The following RASGRF2 variants were observed in gnomAD, a reference collection of about 807,000 sequenced individuals.
RASGRF2 encodes ras-specific guanine nucleotide-releasing factor 2.
Under a neutral mutation model 151.0 loss-of-function variants are expected in RASGRF2, and 76 were observed. The ratio of observed to expected loss-of-function variants is 0.50; its 90% confidence interval spans 0.42 to 0.61. The LOEUF is 0.61. RASGRF2 is among the 20% of genes least tolerant of loss of function. The pLI, the probability that RASGRF2 is intolerant of heterozygous loss-of-function variation, is 0.00. For missense variants in RASGRF2, 1,148 were observed against 1,564.6 expected, an observed-to-expected ratio of 0.73 and a Z score of 4.49; for synonymous variants, 504 against 566.5, an observed-to-expected ratio of 0.89 and a Z score of 1.57.
At chr5:81,196,489 A>G (rs73768037) in intron 18 of RASGRF2, among the ~76,000 whole-genome samples, 7,668 of 152,264 alleles carry the variant, frequency 0.05, 534 homozygotes, top group African/African-American at 0.16. Context: ...GGCAGATTTC[A>G]TTAAGTCCTT....
At chr5:81,016,075 C>A (rs1023515968) in intron 1 of RASGRF2, among the ~76,000 whole-genome samples, 1 of 152,120 alleles carries the variant, frequency 6.6e-6, no homozygotes, top group Non-Finnish European at 1.5e-5. Flanking sequence ...CTGAAGCTGA[C>A]GAGAGTTGGC....
At chr5:80,995,053 G>A (rs1034389903) in intron 1 of RASGRF2, among the ~76,000 whole-genome samples, 10 of 151,986 alleles carry the variant, frequency 6.6e-5, no homozygotes, top group Non-Finnish European at 1.0e-4. Context: ...TCAGGAGATC[G>A]AGACCATCCT....
intron 10 of RASGRF2, 145 bp from the exon 11 acceptor site, chr5:81,094,151 A>T: frequency 1.6e-6 from 1 of 611,492 alleles, no homozygotes; most frequent in Non-Finnish European, 2.8e-6. Flanking sequence ...ATCTAAGTTT[A>T]ATTTTGGGCT....
rs181939082 is a variant in RASGRF2 at position 81,079,491 on chromosome 5, A to C, written c.888-630A>C. 6.1e-3 allele frequency among the ~76,000 whole-genome samples: 868 copies of C among 143,342 alleles called. 5 individuals are homozygous for C. Among genetic ancestry groups the C allele is most frequent in the South Asian group, 0.04 (170 of 4,198 alleles). 94.0% of individuals were successfully genotyped at this position (143,342 alleles called of 152,430 possible). ...AAAGGCTTCAAAGGCTCATTGCAGT[A>C]GGTTAATTCCAATGAGGAGAAAGCA... is the stretch of plus-strand genomic sequence containing the variant. On this transcript the variant is annotated intron_variant, in intron 5 of 26. Transcript: ENST00000265080.
intron 17 of RASGRF2, among the ~76,000 whole-genome samples, chr5:81,178,905 A>AT (rs1185306676): frequency 6.6e-6 from 1 of 152,028 alleles, no homozygotes; most frequent in Non-Finnish European, 1.5e-5. Context: ...CGCCTGGCTA[A>AT]TTTTTTGTAT....
At chr5:81,084,313 GCAAA>G (rs1752166411) in intron 7 of RASGRF2, among the ~76,000 whole-genome samples, 1 of 152,110 alleles carries the variant, frequency 6.6e-6, no homozygotes, top group Admixed American at 6.5e-5. Flanking sequence ...CTAATTAGAG[GCAAA>G]CTTTTATCAG....
At chr5:81,090,351 G>T (rs186711207) in intron 9 of RASGRF2, among the ~76,000 whole-genome samples, 1 of 152,180 alleles carries the variant, frequency 6.6e-6, no homozygotes, top group African/African-American at 2.4e-5. Context: ...TAGAGAGACC[G>T]ATGACCAGGA....
chr5:81,160,847 G>A (rs897374294), intron 17 of RASGRF2, among the ~76,000 whole-genome samples: 3 of 151,942 alleles, frequency 2.0e-5, no homozygotes, highest in African/African-American at 7.3e-5. Flanking sequence ...CTCCAGCCTG[G>A]GTGACAGAAC....
intron 1 of RASGRF2, among the ~76,000 whole-genome samples, chr5:81,034,870 T>C (rs1276349022): frequency 2.7e-5 from 4 of 148,618 alleles, no homozygotes; most frequent in East Asian, 2.0e-4. Flanking sequence ...GTGGGTGCAG[T>C]GCACCAGCAT....
intron 2 of RASGRF2, among the ~76,000 whole-genome samples, chr5:81,056,569 A>G (rs1751220214): frequency 6.6e-6 from 1 of 152,176 alleles, no homozygotes; most frequent in East Asian, 1.9e-4. Context: ...GTTTTGGAAT[A>G]AGTGCGGTGT....
chr5:81,173,947 T>C (rs1410827118), intron 17 of RASGRF2, among the ~76,000 whole-genome samples: 3 of 152,152 alleles, frequency 2.0e-5, no homozygotes. Context: ...TAGATACTGA[T>C]TGAATAATTG....
intron 7 of RASGRF2, among the ~76,000 whole-genome samples, chr5:81,083,910 A>G (rs1451111960): frequency 1.3e-5 from 2 of 152,260 alleles, no homozygotes; most frequent in Non-Finnish European, 2.9e-5. Flanking sequence ...AAGCAGAATT[A>G]TGATTCATTT....
At chr5:81,053,988 T>C (rs1383808417) in intron 2 of RASGRF2, among the ~76,000 whole-genome samples, 1 of 152,248 alleles carries the variant, frequency 6.6e-6, no homozygotes, top group Non-Finnish European at 1.5e-5. Flanking sequence ...TTTTTTCTTG[T>C]AAATTTGTTT....
chr5:81,100,918 G>A (rs557808653), intron 12 of RASGRF2, among the ~76,000 whole-genome samples: 2 of 152,324 alleles, frequency 1.3e-5, no homozygotes, highest in East Asian at 1.9e-4. Context: ...TGGCAACACA[G>A]TAGACCGCTG....
At chr5:81,191,280 A>G (rs1305914452) in intron 18 of RASGRF2, among the ~76,000 whole-genome samples, 8 of 152,040 alleles carry the variant, frequency 5.3e-5, no homozygotes, top group African/African-American at 1.7e-4. Context: ...CTGCTCTCAG[A>G]TGTCATTAAC....
In RASGRF2 at chr5:81,152,358, A is replaced by G. The variant is rs182938519; in HGVS notation, c.2686+25195A>G. On this transcript the variant is annotated intron_variant, in intron 17 of 26. Coordinates refer to ENST00000265080, the MANE Select transcript of RASGRF2 (RefSeq NM_006909.3). ...TATGGGTACTCAACTCAGCCTTTGG[A>G]CAATTACTGCTAATAATTTGAAGTT... Among the ~76,000 whole-genome samples, 5 of 152,050 alleles carry G rather than the reference A, an allele frequency of 3.3e-5. 1 individual carries two copies. In the East Asian group the frequency reaches 1.0e-3, roughly 31 times the overall value.
intron 12 of RASGRF2, among the ~76,000 whole-genome samples, chr5:81,106,279 A>G (rs529382594): frequency 6.6e-6 from 1 of 152,130 alleles, no homozygotes. Context: ...CAAAATATGT[A>G]TGTCCACCCT....
intron 15 of RASGRF2, among the ~76,000 whole-genome samples, chr5:81,120,538 A>G (rs994934852): frequency 2.0e-5 from 3 of 152,226 alleles, no homozygotes; most frequent in Admixed American, 2.0e-4. Context: ...AGCTCTGATC[A>G]TACCACTGCA....
intron 24 of RASGRF2, 39 bp downstream of exon 24, chr5:81,215,994 A>T: frequency 6.9e-7 from 1 of 1,440,776 alleles, no homozygotes; most frequent in Non-Finnish European, 9.1e-7. Flanking sequence ...CATAATTCAG[A>T]AATATATTTA....
Sources: gnomAD v4.1 joint callset for allele counts (sites outside exome capture counted in the v4.1 genomes callset) on GRCh38, gnomAD v4.1.1 for gene constraint, MANE v1.5 for transcripts, NCBI Gene and HGNC (gene_info 2026-07-23, HGNC 2026-07-21) for gene names.